HDAC11: variants seen among roughly 807,000 people sequenced by gnomAD.
HDAC11 encodes the protein histone deacetylase 11.
Under a neutral mutation model 41.1 loss-of-function variants are expected in HDAC11, and 23 were observed. The observed-to-expected ratio is 0.56, with a 90% confidence interval of 0.40 to 0.79. HDAC11 has a LOEUF of 0.79. Ranked by LOEUF, HDAC11 falls within the 30% of genes least tolerant of loss-of-function variation. The pLI is 0.00. For synonymous variants in HDAC11, 187 were observed against 186.6 expected, an observed-to-expected ratio of 1.00 and a Z score of -0.02; for missense variants, 402 against 477.3, an observed-to-expected ratio of 0.84 and a Z score of 1.47.
chr3:13,486,913 A>G lies in HDAC11; in HGVS notation c.252+3349A>G, dbSNP rs140620570. On this transcript the variant is annotated intron_variant, in intron 3 of 9. Transcript: ENST00000295757. ...AGCTTTGAAGGAAGAATGTTTCAGAATCCCAGGCCTGGAGGGTGGAGGGGA... is the reference window on the plus strand; with the variant it reads ...AGCTTTGAAGGAAGAATGTTTCAGAGTCCCAGGCCTGGAGGGTGGAGGGGA... Among the ~76,000 whole-genome samples, 1,138 of 152,204 alleles carry G rather than the reference A, an allele frequency of 7.5e-3. 22 individuals are homozygous for G. The highest frequency in any genetic ancestry group is 0.024 in the African/African-American group (977 of 41,532).
intron 3 of HDAC11, among the ~76,000 whole-genome samples, chr3:13,496,417 T>C (rs975964591): frequency 2.6e-5 from 4 of 152,186 alleles, no homozygotes; most frequent in Non-Finnish European, 2.9e-5. Flanking sequence ...AGACCTGCAC[T>C]GCTGACTTGG....
intron 5 of HDAC11, among the ~76,000 whole-genome samples, chr3:13,499,552 G>A (rs1213187432): frequency 1.3e-5 from 2 of 152,194 alleles, no homozygotes; most frequent in Admixed American, 6.5e-5. Context: ...GGAAAGATGC[G>A]TACTGGATCG....
chr3:13,483,598 T>TG, intron 3 of HDAC11, 34 bp downstream of exon 3: 1 of 1,087,162 alleles, frequency 9.2e-7, no homozygotes. Flanking sequence ...GCTGCGGGCC[T>TG]GGGGCAGGGG....
intron 4 of HDAC11, among the ~76,000 whole-genome samples, chr3:13,497,411 T>G (rs904833258): frequency 2.0e-5 from 3 of 152,136 alleles, no homozygotes; most frequent in African/African-American, 7.2e-5. Context: ...ACTCCTGACC[T>G]CAAATGATCC....
In HDAC11 at chr3:13,504,230, C is replaced by G. The variant is rs761669254; in HGVS notation, c.786C>G (p.Ile262Met). 2 of 1,613,728 alleles carry G rather than the reference C, an allele frequency of 1.2e-6. No individual in the cohort carries two copies. The highest frequency in any genetic ancestry group is 1.7e-6 in the Non-Finnish European group (2 of 1,180,024). Reference protein sequence around the residue: ...DVVVYNAGTDILEGDRLGGLS... With the variant: ...DVVVYNAGTDMLEGDRLGGLS... ...TGGTATACAATGCAGGCACCGACAT[C>G]CTCGAGGGGGACCGCCTTGGGGGGC... The change falls in exon 9 of 10, where the codon ATC becomes ATG. Residue 262 changes from isoleucine (I) to methionine (M), a missense_variant. Ile to Met is a conservative substitution (Grantham distance 10). Coordinates refer to ENST00000295757, the MANE Select transcript of HDAC11 (RefSeq NM_024827.4).
At chr3:13,491,069 TGTGTGTG>T (rs1440764818) in intron 3 of HDAC11, among the ~76,000 whole-genome samples, 1 of 10,224 alleles carries the variant, frequency 9.8e-5, no homozygotes, top group Non-Finnish European at 2.0e-4. Flanking sequence ...CTTTAATAGT[TGTGTGTG>T]TGTGTGTGTG....
Position 13,502,528 on chromosome 3 carries a change from C to A in HDAC11, c.553-356C>A, listed in dbSNP as rs557686512. The A allele has an allele frequency of 3.7e-5, 8 of 216,906 alleles. No individual in the cohort carries two copies. Among genetic ancestry groups the A allele is most frequent in the South Asian group, 8.4e-5 (1 of 11,912 alleles). The allele number at this position is 216,906 out of a possible 1,614,324, so 13.4% of individuals were successfully genotyped here. On this transcript the variant is annotated intron_variant, in intron 7 of 9. Coordinates refer to ENST00000295757, the MANE Select transcript of HDAC11 (RefSeq NM_024827.4). The surrounding 1 kb of genome is among the most constrained non-coding windows in gnomAD (Gnocchi z 4.1). ...GTTGGGGCCCTGCCTTGGGTTCTTG[C>A]GACCCCGAACTCCTGAGCCAGGTCA...
At chr3:13,487,197 A>G (rs1307785828) in intron 3 of HDAC11, among the ~76,000 whole-genome samples, 2 of 152,068 alleles carry the variant, frequency 1.3e-5, no homozygotes, top group African/African-American at 2.4e-5. Context: ...TCTGGCACCT[A>G]AGGCTGCAGC....
At position 13,496,702 on chromosome 3, in the gene HDAC11, A is replaced by G. The variant is rs754476821; in HGVS notation, c.253-34A>G. The G allele has an allele frequency of 2.4e-5, 34 of 1,424,486 alleles. No homozygotes were observed. The East Asian group carries it at 8.0e-4, about 34-fold the overall frequency. The allele number at this position is 1,424,486 out of a possible 1,614,324, so 88.2% of individuals were successfully genotyped here. On this transcript the variant is annotated intron_variant, in intron 3 of 9. Transcript: ENST00000295757. ...CTCACGGGTTGCCTCAGGGTGGGGAAGCGGAGGCCAACAGCCCCTGTCTTT... is the reference window on the plus strand; with the variant it reads ...CTCACGGGTTGCCTCAGGGTGGGGAGGCGGAGGCCAACAGCCCCTGTCTTT...
At chr3:13,501,996 C>T (rs535753053) in intron 7 of HDAC11, 63 bp downstream of exon 7, 43 of 1,419,086 alleles carry the variant, frequency 3.0e-5, no homozygotes, top group African/African-American at 7.0e-5. Context: ...AGAATCTTCC[C>T]GGGGCAGGAG....
chr3:13,483,327 G>A, intron 2 of HDAC11, 137 bp from the exon 3 acceptor site: 1 of 665,382 alleles, frequency 1.5e-6, no homozygotes, highest in South Asian at 1.8e-5. Flanking sequence ...TTCTCAGAAG[G>A]CCCACAAGCC....
At position 13,481,260 on chromosome 3, in the gene HDAC11, A is replaced by G; in HGVS notation, c.17A>G (p.Gln6Arg). 1 of 1,612,332 alleles carries G rather than the reference A, an allele frequency of 6.2e-7. No homozygotes were observed. The change falls in exon 2 of 10, where the codon CAG becomes CGG. Residue 6 changes from glutamine (Q) to arginine (R), a missense_variant. Gln to Arg is a conservative substitution (Grantham distance 43). Transcript: ENST00000295757. MLHTT[Q>R]LYQHVPETRW... ...CCACACGGTAGGCTACACACAACCC[A>G]GCTGTACCAGCATGTGCCAGAGACA...
intron 3 of HDAC11, among the ~76,000 whole-genome samples, chr3:13,485,881 A>G (rs931108739): frequency 6.6e-6 from 1 of 152,198 alleles, no homozygotes; most frequent in African/African-American, 2.4e-5. Context: ...GAAAAAGTTA[A>G]CCAAGATGGT....
At position 13,480,717 on chromosome 3, in the gene HDAC11, G is replaced by A; in HGVS notation, c.2+368G>A. 2.0e-6 allele frequency: 1 copy of A among 487,816 alleles called. No homozygotes were observed. Among genetic ancestry groups the A allele is most frequent in the South Asian group, 1.6e-5 (1 of 62,382 alleles). 30.2% of individuals were successfully genotyped at this position (487,816 alleles called of 1,614,324 possible). A position where few individuals can be genotyped will look rare whatever the true frequency, so the allele number is the denominator to read the frequency against. On this transcript the variant is annotated intron_variant, in intron 1 of 9. Transcript: ENST00000295757. This position sits in a 1 kb window ranked among gnomAD's most constrained non-coding sequence, Gnocchi z 4.6. The stretch of plus-strand genomic sequence containing the variant: ...TGGGTGACGACTGCCAGGGTGTGAT[G>A]GGAAGGGTTAGCAGCGCAGCGGGGT...
intron 5 of HDAC11, 23 bp downstream of exon 5, chr3:13,498,578 G>C (rs377408805): frequency 5.9e-4 from 959 of 1,613,418 alleles, no homozygotes; most frequent in Non-Finnish European, 7.8e-4. Context: ...AATGTCCTCG[G>C]GAATGTCCAG....
rs1352566785 is a variant in HDAC11 at position 13,502,375 on chromosome 3, G to A, written c.552+442G>A. ...GAACTCGGCGCCTAGGGAGTAAAGT[G>A]TCAAAGCAGAGGGTTACCTCCTCCT... On this transcript the variant is annotated intron_variant, in intron 7 of 9. Coordinates refer to ENST00000295757, the MANE Select transcript of HDAC11 (RefSeq NM_024827.4). This position sits in a 1 kb window ranked among gnomAD's most constrained non-coding sequence, Gnocchi z 4.1. 6 of 191,316 alleles carry A rather than the reference G, an allele frequency of 3.1e-5. No homozygotes were observed. In the East Asian group the frequency reaches 6.9e-4, roughly 22 times the overall value. The allele number at this position is 191,316 out of a possible 1,614,324, so 11.9% of individuals were successfully genotyped here. A position where few individuals can be genotyped will look rare whatever the true frequency, so the allele number is the denominator to read the frequency against.
chr3:13,480,306 G>T lies in HDAC11; in HGVS notation c.-42G>T, dbSNP rs536234162. The T allele has an allele frequency of 7.3e-6, 9 of 1,234,158 alleles. No homozygotes were observed. The South Asian group carries it at 2.2e-4, about 30-fold the overall frequency. The allele number at this position is 1,234,158 out of a possible 1,614,324, so 76.5% of individuals were successfully genotyped here. On this transcript the variant is annotated 5_prime_UTR_variant, in exon 1 of 10. Transcript: ENST00000295757. This position sits in a 1 kb window ranked among gnomAD's most constrained non-coding sequence, Gnocchi z 4.6. ...ACCCGCGCCCCGCCCCGCCCCGCCCGGTCGCGGAGCTGCGGCCAGCTTTGG... is the reference window on the plus strand; with the variant it reads ...ACCCGCGCCCCGCCCCGCCCCGCCCTGTCGCGGAGCTGCGGCCAGCTTTGG...
chr3:13,498,971 T>G (rs1702232391), intron 5 of HDAC11, among the ~76,000 whole-genome samples: 1 of 151,714 alleles, frequency 6.6e-6, no homozygotes, highest in African/African-American at 2.4e-5. Flanking sequence ...AGAGGCTTGG[T>G]CATGTTGGGT....
At chr3:13,493,380 C>A (rs1417655676) in intron 3 of HDAC11, among the ~76,000 whole-genome samples, 3 of 152,218 alleles carry the variant, frequency 2.0e-5, no homozygotes, top group Admixed American at 1.3e-4. Flanking sequence ...TATTTCTCAC[C>A]TTGGCCACTG....
Sources: gnomAD v4.1 joint callset for allele counts (sites outside exome capture counted in the v4.1 genomes callset) on GRCh38, gnomAD v4.1.1 for gene constraint, Gnocchi (gnomAD v3.1) non-coding constraint, MANE v1.5 for transcripts, NCBI Gene and HGNC (gene_info 2026-07-23, HGNC 2026-07-21) for gene names.